Variants in CTRL observed in about 807,000 individuals in gnomAD.
The protein encoded by CTRL is chymotrypsin-like protease CTRL-1.
A neutral mutation model predicts 35.5 loss-of-function variants in CTRL; 38 were observed. The observed-to-expected ratio is 1.07, with a 90% CI of 0.83 to 1.40. The LOEUF is 1.40. Ranked by LOEUF, CTRL falls within the 40% of genes most tolerant of loss-of-function variation. CTRL has a pLI of 0.00. For synonymous variants in CTRL, 155 were observed against 141.1 expected (o/e 1.10, Z -0.70); for missense variants, 327 against 342.9 (o/e 0.95, Z 0.37).
chr16:67,931,817 G>A lies in CTRL; in HGVS notation c.36C>T (p.Leu12=). The part of the protein sequence containing the change: ...LLLSLTLSLV[L]LGSSWGCGIP... Reference sequence around the variant, plus strand: ...CCCACTCACCCCAGGAGGAGCCGAGGAGAACCAGGCTTAGGGTCAGGCTGA... The same window carrying A: ...CCCACTCACCCCAGGAGGAGCCGAGAAGAACCAGGCTTAGGGTCAGGCTGA... Residue 12 remains leucine (L), a synonymous_variant, in exon 1 of 7, where the codon CTC becomes CTT. Coordinates refer to ENST00000574481, the MANE Select transcript of CTRL (RefSeq NM_001907.3). The A allele has an allele frequency of 6.4e-7, 1 of 1,570,876 alleles. No individual in the cohort carries two copies. The highest frequency in any genetic ancestry group is 2.4e-5 in the East Asian group (1 of 42,098).
rs1567403885 is a variant in CTRL at position 67,930,113 on chromosome 16, G to C, written c.634-18C>G. 1.2e-6 allele frequency: 2 copies of C among 1,613,950 alleles called. No homozygotes were observed. Among genetic ancestry groups the C allele is most frequent in the East Asian group, 4.5e-5 (2 of 44,878 alleles). On this transcript the variant is annotated intron_variant, in intron 6 of 6. Transcript: ENST00000574481. The surrounding 1 kb of genome is among the most constrained non-coding windows in gnomAD (Gnocchi z 4.3). The stretch of plus-strand genomic sequence containing the variant: ...GAGTCACCCTGAGAGGGAAGAGGGA[G>C]GGAGAATTGAGTAGGGGGGGTTGGG...
chr16:67,931,856 G>T lies in CTRL; in HGVS notation c.-4C>A. 1.9e-6 allele frequency: 3 copies of T among 1,568,880 alleles called. No individual in the cohort carries two copies. Among genetic ancestry groups the T allele is most frequent in the Non-Finnish European group, 2.6e-6 (3 of 1,156,992 alleles). On this transcript the variant is annotated 5_prime_UTR_variant, in exon 1 of 7. Coordinates refer to ENST00000574481, the MANE Select transcript of CTRL (RefSeq NM_001907.3). ...GGGTCAGGCTGAGCAGCAACATCGT[G>T]GCAGATGTGAGGTTGGGAGCTGGGT...
rs2058231666 is a variant in CTRL at position 67,929,792 on chromosome 16, C to T, written c.*142G>A. On this transcript the variant is annotated 3_prime_UTR_variant, in exon 7 of 7. Transcript: ENST00000574481. Reference sequence around the variant, plus strand: ...CTGCTACTCAAGGAGTCACTCAGCCCCTTCTGTGCCAGAAGTCCAAGTAGG... The same window carrying T: ...CTGCTACTCAAGGAGTCACTCAGCCTCTTCTGTGCCAGAAGTCCAAGTAGG... The T allele has an allele frequency of 2.1e-6, 2 of 932,626 alleles. No homozygotes were observed. Among genetic ancestry groups the T allele is most frequent in the South Asian group, 1.6e-5 (1 of 62,932 alleles). 57.8% of individuals were successfully genotyped at this position (932,626 alleles called of 1,614,324 possible). A position where few individuals can be genotyped will look rare whatever the true frequency, so the allele number is the denominator to read the frequency against.
Position 67,931,804 on chromosome 16 carries a change from A to T in CTRL, c.49T>A (p.Trp17Arg). The T allele has an allele frequency of 6.4e-7, 1 of 1,567,272 alleles. No homozygotes were observed. The highest frequency in any genetic ancestry group is 1.4e-5 in the African/African-American group (1 of 73,734). ...TLSLVLLGSS[W>R]GCGIPAIKPA... is the part of the protein sequence containing the mutation. ...GGGCTGGTCCTGGCCCACTCACCCC[A>T]GGAGGAGCCGAGGAGAACCAGGCTT... is the stretch of plus-strand genomic sequence containing the variant. The change falls in exon 1 of 7, where the codon TGG (tryptophan) becomes AGG (arginine). Residue 17 changes from tryptophan to arginine, a missense_variant. Coordinates refer to ENST00000574481, the MANE Select transcript of CTRL (RefSeq NM_001907.3).
At position 67,929,933 on chromosome 16, in the gene CTRL, C is replaced by T. The variant is rs140015727; in HGVS notation, c.*1G>A. 40 of 1,613,494 alleles carry T rather than the reference C, an allele frequency of 2.5e-5. No homozygotes were observed. Among genetic ancestry groups the T allele is most frequent in the Non-Finnish European group, 3.4e-5 (40 of 1,179,602 alleles). On this transcript the variant is annotated 3_prime_UTR_variant, in exon 7 of 7. Coordinates refer to ENST00000574481, the MANE Select transcript of CTRL (RefSeq NM_001907.3). Reference sequence around the variant, plus strand: ...TGAGCTGGGGAGGGCCTGTGGTGAGCTCAGTTGTAGGCTATGACCTGGTTG... The same window carrying T: ...TGAGCTGGGGAGGGCCTGTGGTGAGTTCAGTTGTAGGCTATGACCTGGTTG...
rs1020346873 is a variant in CTRL at position 67,929,982 on chromosome 16, T to TCGAGTATACA, written c.737_746dup (p.Ser251TyrfsTer4). 1.2e-6 allele frequency: 2 copies of TCGAGTATACA among 1,613,982 alleles called. No individual in the cohort carries two copies. The highest frequency in any genetic ancestry group is 2.7e-5 in the African/African-American group (2 of 74,884). On this transcript the variant is annotated frameshift_variant, in exon 7 of 7. Transcript: ENST00000574481. LOFTEE classifies it high-confidence loss of function. ...TGATCCAGGTGCTGAACTTGCTAAC[T>TCGAGTATACA]CGAGTATACACAGCAGGTGCGCGCA...
chr16:67,930,275 CA>C lies in CTRL; in HGVS notation c.542del (p.Leu181ArgfsTer4), dbSNP rs769628028. 5.0e-6 allele frequency: 8 copies of C among 1,613,982 alleles called. No individual in the cohort carries two copies. Among genetic ancestry groups the C allele is most frequent in the South Asian group, 3.3e-5 (3 of 91,074 alleles). ...PAHLQQVALP[L>X]VTVNQCRQYW... ...ACTGCCGGCACTGATTCACAGTGAC[CA>C]GGGGCAAAGCCACCTGCTGCAGATG... On this transcript the variant is annotated frameshift_variant, in exon 6 of 7. Transcript: ENST00000574481. LOFTEE classifies it high-confidence loss of function. The surrounding 1 kb of genome is among the most constrained non-coding windows in gnomAD (Gnocchi z 4.3).
In CTRL at chr16:67,929,707, G is replaced by A; in HGVS notation, c.*227C>T. ...CTGGCTTCTTGCTGTAGGACCAAGG[G>A]GTTGCCCTGGAGGAGGGGTGGGGGC... On this transcript the variant is annotated 3_prime_UTR_variant, in exon 7 of 7. Transcript: ENST00000574481. The A allele has an allele frequency of 3.5e-6, 2 of 570,884 alleles. No individual in the cohort carries two copies. Among genetic ancestry groups the A allele is most frequent in the Non-Finnish European group, 6.3e-6 (2 of 319,428 alleles). The allele number at this position is 570,884 out of a possible 1,614,324, so 35.4% of individuals were successfully genotyped here.
chr16:67,930,521 G>A lies in CTRL; in HGVS notation c.386C>T (p.Ser129Leu), dbSNP rs982378123. Residue 129 changes from serine (S) to leucine (L), a missense_variant, in exon 5 of 7, where the codon TCG (serine) becomes TTG (leucine). Ser to Leu is a moderately radical substitution (Grantham distance 145). Coordinates refer to ENST00000574481, the MANE Select transcript of CTRL (RefSeq NM_001907.3). This position sits in a 1 kb window ranked among gnomAD's most constrained non-coding sequence, Gnocchi z 4.3. ...GATGCGTGTTGTGTACTGGGCTGGC[G>A]AGGCGAGCTTCAGCAGCGTCACGTC... ...NNDVTLLKLA[S>L]PAQYTTRISP... 2.5e-6 allele frequency: 4 copies of A among 1,614,060 alleles called. No homozygotes were observed. Among genetic ancestry groups the A allele is most frequent in the Middle Eastern group, 1.6e-4 (1 of 6,084 alleles).
intron 1 of CTRL, 134 bp downstream of exon 1, chr16:67,931,667 C>A: frequency 9.5e-7 from 1 of 1,055,612 alleles, no homozygotes. Flanking sequence ...GCTCCACTGC[C>A]CTGGCATATC....
At position 67,930,356 on chromosome 16, in the gene CTRL, C is replaced by T. The variant is rs1422770832; in HGVS notation, c.500-38G>A. 1 of 1,612,924 alleles carries T rather than the reference C, an allele frequency of 6.2e-7. No homozygotes were observed. The highest frequency in any genetic ancestry group is 8.5e-7 in the Non-Finnish European group (1 of 1,179,198). On this transcript the variant is annotated intron_variant, in intron 5 of 6. Coordinates refer to ENST00000574481, the MANE Select transcript of CTRL (RefSeq NM_001907.3). This position sits in a 1 kb window ranked among gnomAD's most constrained non-coding sequence, Gnocchi z 4.3. ...AGGGGTGGTCACATGGGGCCCAGAA[C>T]ACTGGTCCCCACCCCAGTCCTCCCA...
At position 67,930,135 on chromosome 16, in the gene CTRL, TG is replaced by T. The variant is rs1445904800; in HGVS notation, c.634-41del. 6.2e-7 allele frequency: 1 copy of T among 1,613,278 alleles called. No individual in the cohort carries two copies. The highest frequency in any genetic ancestry group is 2.2e-5 in the East Asian group (1 of 44,860). On this transcript the variant is annotated intron_variant, in intron 6 of 6. Coordinates refer to ENST00000574481, the MANE Select transcript of CTRL (RefSeq NM_001907.3). The surrounding 1 kb of genome is among the most constrained non-coding windows in gnomAD (Gnocchi z 4.3). The stretch of plus-strand genomic sequence containing the variant: ...GGAGGGAGAATTGAGTAGGGGGGGT[TG>T]GGGAGGTATACCACAGGACAGCGCA...
rs75626513 is a variant in CTRL, at chr16:67,930,022, G to T, written c.707C>A (p.Thr236Asn). The T allele has an allele frequency of 6.2e-7, 1 of 1,614,120 alleles. No homozygotes were observed. Among genetic ancestry groups the T allele is most frequent in the South Asian group, 1.1e-5 (1 of 91,090 alleles). ...AGGTGCGCGCACATTGCAGTTTTTGGTGCCCCAGGAGACAATACCAATAAG... is the reference window on the plus strand; with the variant it reads ...AGGTGCGCGCACATTGCAGTTTTTGTTGCCCCAGGAGACAATACCAATAAG... Reference protein sequence around the residue: ...WVLIGIVSWGTKNCNVRAPAV... With the variant: ...WVLIGIVSWGNKNCNVRAPAV... The change falls in exon 7 of 7, where the codon ACC becomes AAC. Residue 236 changes from threonine to asparagine, a missense_variant. Coordinates refer to ENST00000574481, the MANE Select transcript of CTRL (RefSeq NM_001907.3). The surrounding 1 kb of genome is among the most constrained non-coding windows in gnomAD (Gnocchi z 4.3).
chr16:67,929,814 T>C lies in CTRL; in HGVS notation c.*120A>G. On this transcript the variant is annotated 3_prime_UTR_variant, in exon 7 of 7. Coordinates refer to ENST00000574481, the MANE Select transcript of CTRL (RefSeq NM_001907.3). ...GCCCCTTCTGTGCCAGAAGTCCAAG[T>C]AGGGAGTCGGACCCTCAACAGCCTC... The C allele has an allele frequency of 9.2e-7, 1 of 1,083,896 alleles. No individual in the cohort carries two copies. Among genetic ancestry groups the C allele is most frequent in the South Asian group, 1.5e-5 (1 of 68,674 alleles). The allele number at this position is 1,083,896 out of a possible 1,614,324, so 67.1% of individuals were successfully genotyped here.
In CTRL at chr16:67,930,735, G is replaced by A. The variant is rs893156952; in HGVS notation, c.309C>T (p.Ser103=). ...SSNAEPLQVL[S]VSRAITHPSW... is the part of the protein sequence containing the mutation. ...CAGCCCAGGCACTCACCCGAGAGAC[G>A]GACAGAACCTGCAAGGGCTCTGCGT... The change falls in exon 4 of 7, where the codon TCC becomes TCT. Residue 103 remains serine (S), a synonymous_variant. Transcript: ENST00000574481. This position sits in a 1 kb window ranked among gnomAD's most constrained non-coding sequence, Gnocchi z 4.3. 35 of 1,613,842 alleles carry A rather than the reference G, an allele frequency of 2.2e-5. No homozygotes were observed. The highest frequency in any genetic ancestry group is 4.5e-5 in the East Asian group (2 of 44,888).
In CTRL at chr16:67,931,820, A is replaced by G; in HGVS notation, c.33T>C (p.Val11=). 1 of 1,571,200 alleles carries G rather than the reference A, an allele frequency of 6.4e-7. No individual in the cohort carries two copies. The highest frequency in any genetic ancestry group is 8.6e-7 in the Non-Finnish European group (1 of 1,158,288). The change falls in exon 1 of 7, where the codon GTT becomes GTC. Residue 11 remains valine (V), a synonymous_variant. Coordinates refer to ENST00000574481, the MANE Select transcript of CTRL (RefSeq NM_001907.3). ...ACTCACCCCAGGAGGAGCCGAGGAG[A>G]ACCAGGCTTAGGGTCAGGCTGAGCA... MLLLSLTLSL[V]LLGSSWGCGI... is the part of the protein sequence containing the mutation.
chr16:67,930,339 T>C lies in CTRL; in HGVS notation c.500-21A>G, dbSNP rs1028414545. 6.8e-6 allele frequency: 11 copies of C among 1,613,608 alleles called. No homozygotes were observed. The highest frequency in any genetic ancestry group is 9.3e-6 in the Non-Finnish European group (11 of 1,179,778). ...ATTGCCTGTGGGCCAGGAGGGGTGG[T>C]CACATGGGGCCCAGAACACTGGTCC... On this transcript the variant is annotated intron_variant, in intron 5 of 6. Transcript: ENST00000574481. This position sits in a 1 kb window ranked among gnomAD's most constrained non-coding sequence, Gnocchi z 4.3.
Position 67,929,912 on chromosome 16 carries a change from C to G in CTRL, c.*22G>C, listed in dbSNP as rs768283680. The G allele has an allele frequency of 2.5e-6, 4 of 1,609,772 alleles. No individual in the cohort carries two copies. In the Admixed American group the frequency reaches 6.7e-5, roughly 27 times the overall value. On this transcript the variant is annotated 3_prime_UTR_variant, in exon 7 of 7. Coordinates refer to ENST00000574481, the MANE Select transcript of CTRL (RefSeq NM_001907.3). Reference sequence around the variant, plus strand: ...GGGCCTGGGTCTTTAATGGGTTGAGCTGGGGAGGGCCTGTGGTGAGCTCAG... The same window carrying G: ...GGGCCTGGGTCTTTAATGGGTTGAGGTGGGGAGGGCCTGTGGTGAGCTCAG...
chr16:67,931,555 T>G, intron 1 of CTRL: 1 of 592,920 alleles, frequency 1.7e-6, no homozygotes, highest in South Asian at 2.0e-5. Flanking sequence ...CTGTCTCAGC[T>G]TCCTAAACCC....
Sources: allele counts gnomAD v4.1 joint callset, GRCh38; gene constraint gnomAD v4.1.1; non-coding constraint Gnocchi (gnomAD v3.1); transcripts MANE v1.5; gene names NCBI Gene and HGNC (gene_info 2026-07-23, HGNC 2026-07-21).